Variants in PCNX1 observed in about 807,000 individuals in gnomAD.
PCNX1 encodes pecanex-like protein 1.
Under a neutral mutation model 242.2 loss-of-function variants are expected in PCNX1, and 78 were observed. That is an observed-to-expected ratio of 0.32 (90% CI 0.27 to 0.39). The LOEUF (loss-of-function observed/expected upper bound fraction) is 0.39, where lower values mean the gene tolerates loss of function less well. Among genes scored for constraint, PCNX1 ranks in the 10% least tolerant of loss-of-function variants. PCNX1 has a pLI of 1.00. For missense variants in PCNX1, 2,581 were observed against 2,856.5 expected (o/e 0.90, Z 2.20); for synonymous variants, 1,024 against 1,032.9 (o/e 0.99, Z 0.17).
At chr14:71,068,917 C>G (rs2061523421) in intron 26 of PCNX1, among the ~76,000 whole-genome samples, 1 of 151,896 alleles carries the variant, frequency 6.6e-6, no homozygotes, top group Non-Finnish European at 1.5e-5. Context: ...ACTAGCAGTC[C>G]TTTTTTATAA....
At chr14:71,034,440 GTTGTT>G (rs1180346688) in intron 18 of PCNX1, among the ~76,000 whole-genome samples, 6 of 152,042 alleles carry the variant, frequency 3.9e-5, no homozygotes, top group African/African-American at 1.4e-4. Context: ...AGTCTTTTAG[GTTGTT>G]TTATTTCTCA....
chr14:71,032,077 A>G, intron 16 of PCNX1: 1 of 657,964 alleles, frequency 1.5e-6, no homozygotes, highest in Non-Finnish European at 2.7e-6. Flanking sequence ...AGAGAGAGAG[A>G]GAAAGTTTCC....
intron 11 of PCNX1, among the ~76,000 whole-genome samples, chr14:71,018,133 C>T (rs1296629485): frequency 6.6e-6 from 1 of 151,988 alleles, no homozygotes; most frequent in East Asian, 1.9e-4. Flanking sequence ...TTATATCCTC[C>T]TATGCCCATG....
chr14:71,113,509 T>C lies in PCNX1; in HGVS notation c.*3574T>C, dbSNP rs570944945. On this transcript the variant is annotated 3_prime_UTR_variant, in exon 36 of 36. Coordinates refer to ENST00000304743, the MANE Select transcript of PCNX1 (RefSeq NM_014982.3). The stretch of plus-strand genomic sequence containing the variant: ...CACATTTTTCAGCAAGTTTAGCTTA[T>C]AGCCTTGATAAATTCCTCTGTGCTT... 2 of 152,784 alleles carry C rather than the reference T, an allele frequency of 1.3e-5. No individual in the cohort carries two copies. The highest frequency in any genetic ancestry group is 4.8e-5 in the African/African-American group (2 of 41,584). 9.5% of individuals were successfully genotyped at this position (152,784 alleles called of 1,614,324 possible). A position where few individuals can be genotyped will look rare whatever the true frequency, so the allele number is the denominator to read the frequency against.
chr14:70,924,648 G>A (rs933094318), intron 1 of PCNX1, among the ~76,000 whole-genome samples: 2 of 151,978 alleles, frequency 1.3e-5, no homozygotes, highest in Admixed American at 1.3e-4. Flanking sequence ...AGTGCATGGC[G>A]TGATCATGGT....
At chr14:71,106,917 C>T (rs997527043) in intron 33 of PCNX1, among the ~76,000 whole-genome samples, 2 of 152,198 alleles carry the variant, frequency 1.3e-5, no homozygotes. Context: ...TGAAGAGTTA[C>T]TTGCCTTCTT....
chr14:70,975,769 G>A (rs1241304644), intron 5 of PCNX1, among the ~76,000 whole-genome samples: 1 of 151,794 alleles, frequency 6.6e-6, no homozygotes, highest in Admixed American at 6.6e-5. Context: ...AGGTAGGTAG[G>A]TAGATACATT....
At chr14:71,101,940 T>A in intron 30 of PCNX1, 50 bp from the exon 31 acceptor site, 1 of 1,006,528 alleles carries the variant, frequency 9.9e-7, no homozygotes, top group Non-Finnish European at 1.4e-6. Context: ...GTAGAAGTTA[T>A]CAGTTCTTTT....
intron 33 of PCNX1, 58 bp from the exon 34 acceptor site, chr14:71,108,546 A>G (rs1314140699): frequency 1.0e-5 from 14 of 1,359,562 alleles, no homozygotes; most frequent in East Asian, 9.3e-5. Flanking sequence ...ACTGCAAAAC[A>G]GAAGTATTGT....
rs1417574713 is a variant in PCNX1, at chr14:71,108,808, T to C, written c.6506T>C (p.Leu2169Pro). 1 of 1,614,256 alleles carries C rather than the reference T, an allele frequency of 6.2e-7. No homozygotes were observed. The highest frequency in any genetic ancestry group is 1.1e-5 in the South Asian group (1 of 91,090). ...RNLPSSIQSRLSMVNQMEPSG... is the reference protein window; with the variant it reads ...RNLPSSIQSRPSMVNQMEPSG... ...TTGCCATCATCCATCCAATCCCGAC[T>C]GTCGATGGTGAACCAAATGGAACCC... Residue 2169 changes from leucine to proline, a missense_variant, in exon 34 of 36, where the codon CTG (leucine) becomes CCG (proline). Transcript: ENST00000304743.
chr14:71,038,121 C>A (rs2060597977), intron 19 of PCNX1, among the ~76,000 whole-genome samples: 1 of 58,774 alleles, frequency 1.7e-5, no homozygotes, highest in Non-Finnish European at 3.3e-5. Context: ...CATAAAAACC[C>A]TAGAAGAAAA....
intron 16 of PCNX1, among the ~76,000 whole-genome samples, chr14:71,032,170 T>C (rs1407228709): frequency 6.6e-6 from 1 of 152,252 alleles, no homozygotes; most frequent in Non-Finnish European, 1.5e-5. Flanking sequence ...GCACTACACA[T>C]GTAGCCTCTC....
In PCNX1 at chr14:70,963,970, A is replaced by G. The variant is rs117636199; in HGVS notation, c.468+1639A>G. Among the ~76,000 whole-genome samples the G allele has an allele frequency of 6.6e-3, 1,012 of 152,344 alleles. 12 individuals are homozygous for G. The highest frequency in any genetic ancestry group is 8.3e-3 in the Non-Finnish European group (562 of 68,036). ...AGGTTGTTAAATTTATCTTCCTTCC[A>G]TAACAAGCTTATGGAATGGGAGATG... On this transcript the variant is annotated intron_variant, in intron 3 of 35. Transcript: ENST00000304743.
At chr14:70,968,150 A>C in intron 3 of PCNX1, 48 bp from the exon 4 acceptor site, 11 of 1,267,744 alleles carry the variant, frequency 8.7e-6, no homozygotes, top group Non-Finnish European at 1.2e-5. Context: ...TGATAATGAC[A>C]TAGCTAGCAT....
intron 1 of PCNX1, among the ~76,000 whole-genome samples, chr14:70,941,558 A>G (rs1185872492): frequency 6.6e-6 from 1 of 152,224 alleles, no homozygotes; most frequent in Non-Finnish European, 1.5e-5. Flanking sequence ...GGTGTCTCCC[A>G]GTTAGGCTAC....
At chr14:71,022,491 A>G (rs2060131104) in intron 12 of PCNX1, among the ~76,000 whole-genome samples, 3 of 152,192 alleles carry the variant, frequency 2.0e-5, no homozygotes, top group African/African-American at 7.2e-5. Flanking sequence ...CCAAGGGCCA[A>G]ATGCCAAACT....
intron 26 of PCNX1, among the ~76,000 whole-genome samples, chr14:71,058,563 T>C (rs930899970): frequency 3.3e-5 from 5 of 152,154 alleles, no homozygotes; most frequent in African/African-American, 1.2e-4. Flanking sequence ...TTTGGAGTAG[T>C]TTTAGTCTGG....
At position 71,112,316 on chromosome 14, in the gene PCNX1, A is replaced by G. The variant is rs2062767348; in HGVS notation, c.*2381A>G. On this transcript the variant is annotated 3_prime_UTR_variant, in exon 36 of 36. Transcript: ENST00000304743. ...AGACTAGACTTTATATGGAACATAT[A>G]TGTTGGGTTTTGATTTTGGGTAGCA... 1 of 152,080 alleles carries G rather than the reference A, an allele frequency of 6.6e-6. No individual in the cohort carries two copies. Among genetic ancestry groups the G allele is most frequent in the South Asian group, 2.1e-4 (1 of 4,832 alleles). 9.4% of individuals were successfully genotyped at this position (152,080 alleles called of 1,614,324 possible). A position where few individuals can be genotyped will look rare whatever the true frequency, so the allele number is the denominator to read the frequency against.
At chr14:70,976,127 TAGTA>T (rs1260198180) in intron 5 of PCNX1, among the ~76,000 whole-genome samples, 1 of 152,168 alleles carries the variant, frequency 6.6e-6, no homozygotes, top group African/African-American at 2.4e-5. Context: ...AATATTGTGT[TAGTA>T]AGGTAGAATA....
Sources: allele counts gnomAD v4.1 joint callset (sites outside exome capture counted in the v4.1 genomes callset), GRCh38; gene constraint gnomAD v4.1.1; transcripts MANE v1.5; gene names NCBI Gene and HGNC (gene_info 2026-07-23, HGNC 2026-07-21).